Variants in STK32B observed in about 807,000 individuals in gnomAD.
STK32B encodes serine/threonine-protein kinase 32B.
A neutral mutation model predicts 52.6 loss-of-function variants in STK32B; 43 were observed. The ratio of observed to expected loss-of-function variants is 0.82; its 90% CI spans 0.64 to 1.05. The LOEUF (loss-of-function observed/expected upper bound fraction) is 1.05, where lower values mean the gene tolerates loss of function less well. Among genes scored for constraint, STK32B ranks in the 50% least tolerant of loss-of-function variants. STK32B has a pLI of 0.00. For missense variants in STK32B, 621 were observed against 534.6 expected (o/e 1.16, Z -1.59); for synonymous variants, 238 against 204.3 (o/e 1.17, Z -1.41).
chr4:5,443,373 A>G (rs2109114227), intron 6 of STK32B, among the ~76,000 whole-genome samples: 2 of 151,836 alleles, frequency 1.3e-5, no homozygotes, highest in South Asian at 4.2e-4. Flanking sequence ...CATTGCTGAT[A>G]CCCTTTTTCC....
intron 3 of STK32B, among the ~76,000 whole-genome samples, chr4:5,281,819 T>A (rs1297563087): frequency 6.6e-6 from 1 of 152,190 alleles, no homozygotes; most frequent in Non-Finnish European, 1.5e-5. Flanking sequence ...GGTTTAGGTA[T>A]CATTGAACAG....
rs1197765393 is a variant in STK32B, at chr4:5,170,484, G to A, written c.260+2034G>A. Among the ~76,000 whole-genome samples the A allele has an allele frequency of 4.6e-5, 7 of 150,688 alleles. No homozygotes were observed. The South Asian group carries it at 8.6e-4, about 18-fold the overall frequency. ...GTCCCCCCACCCCACAACAGTCTCT[G>A]GAGTGTGATGTTCCCCTTCCTGTGT... On this transcript the variant is annotated intron_variant, in intron 3 of 11. Coordinates refer to ENST00000282908, the MANE Select transcript of STK32B (RefSeq NM_018401.3).
rs761928188 is a variant in STK32B at position 5,399,634 on chromosome 4, G to A, written c.472+1390G>A. Among the ~76,000 whole-genome samples, 1 of 152,110 alleles carries A rather than the reference G, an allele frequency of 6.6e-6. No homozygotes were observed. The highest frequency in any genetic ancestry group is 2.1e-4 in the South Asian group (1 of 4,824). On this transcript the variant is annotated intron_variant, in intron 5 of 11. Coordinates refer to ENST00000282908, the MANE Select transcript of STK32B (RefSeq NM_018401.3). The surrounding 1 kb of genome is among the most constrained non-coding windows in gnomAD (Gnocchi z 5.4). ...TCTCCAGTTTGTATCTAAAAGTCAG[G>A]ATCTTCAGATGTGGCACTCAGCTGA...
chr4:5,461,355 G>T (rs1717011060), intron 9 of STK32B, among the ~76,000 whole-genome samples: 1 of 152,204 alleles, frequency 6.6e-6, no homozygotes, highest in Non-Finnish European at 1.5e-5. Context: ...TTCCTGGGGA[G>T]CCTCAGACGT....
At chr4:5,257,467 T>G (rs73081697) in intron 3 of STK32B, among the ~76,000 whole-genome samples, 3 of 152,078 alleles carry the variant, frequency 2.0e-5, no homozygotes, top group African/African-American at 7.3e-5. Context: ...CAGAACATGG[T>G]AGCTCCTCCC....
At chr4:5,168,239 C>A in intron 2 of STK32B, 60 bp from the exon 3 acceptor site, 1 of 1,563,468 alleles carries the variant, frequency 6.4e-7, no homozygotes, top group Middle Eastern at 1.7e-4. Context: ...GGTGACATTT[C>A]TCCTTTGTCT....
At chr4:5,365,099 C>G (rs1039809669) in intron 4 of STK32B, among the ~76,000 whole-genome samples, 1 of 152,154 alleles carries the variant, frequency 6.6e-6, no homozygotes, top group Non-Finnish European at 1.5e-5. Flanking sequence ...TGGTCTCAAA[C>G]TCCTGACCTC....
At chr4:5,074,577 A>T (rs1369557763) in intron 1 of STK32B, among the ~76,000 whole-genome samples, 2 of 151,928 alleles carry the variant, frequency 1.3e-5, no homozygotes, top group Non-Finnish European at 2.9e-5. Context: ...TATATGCTAG[A>T]TATTGTAGAT....
chr4:5,103,655 G>A (rs1713947476), intron 1 of STK32B, among the ~76,000 whole-genome samples: 1 of 152,058 alleles, frequency 6.6e-6, no homozygotes, highest in African/African-American at 2.4e-5. Context: ...GAATTCCTGG[G>A]CCACGGAGTT....
intron 4 of STK32B, among the ~76,000 whole-genome samples, chr4:5,393,146 G>T (rs1182200816): frequency 6.6e-6 from 1 of 152,170 alleles, no homozygotes; most frequent in Non-Finnish European, 1.5e-5. Flanking sequence ...AACAGCCAAG[G>T]TGAAGCCCTC....
At chr4:5,075,748 G>GT (rs5855832) in intron 1 of STK32B, among the ~76,000 whole-genome samples, 27,198 of 151,984 alleles carry the variant, frequency 0.18, 2,632 homozygotes, top group Non-Finnish European at 0.21. Context: ...TCAAGAACAG[G>GT]TTTTTTTCTT....
intron 1 of STK32B, among the ~76,000 whole-genome samples, chr4:5,130,449 G>C (rs1023569857): frequency 6.6e-6 from 1 of 152,020 alleles, no homozygotes; most frequent in Admixed American, 6.6e-5. Flanking sequence ...AATCCAAACC[G>C]GGCTTGGGCT....
intron 1 of STK32B, among the ~76,000 whole-genome samples, chr4:5,079,075 T>C (rs2108773692): frequency 6.6e-6 from 1 of 152,332 alleles, no homozygotes; most frequent in African/African-American, 2.4e-5. Context: ...CTCCAAACTT[T>C]TTTTAGTAAG....
intron 3 of STK32B, among the ~76,000 whole-genome samples, chr4:5,307,635 G>T (rs1430647883): frequency 6.6e-6 from 1 of 150,378 alleles, no homozygotes; most frequent in African/African-American, 2.5e-5. Flanking sequence ...CCTTCTTCTG[G>T]CAATTCATTT....
chr4:5,121,659 T>G (rs915995259), intron 1 of STK32B, among the ~76,000 whole-genome samples: 1 of 152,216 alleles, frequency 6.6e-6, no homozygotes, highest in Non-Finnish European at 1.5e-5. Context: ...TGGGTGTTAA[T>G]GACTTCTGAA....
rs75148096 is a variant in STK32B at position 5,278,725 on chromosome 4, G to T, written c.261-52495G>T. Among the ~76,000 whole-genome samples the T allele has an allele frequency of 6.3e-3, 952 of 152,172 alleles. 18 individuals are homozygous for T. The highest frequency in any genetic ancestry group is 0.015 in the African/African-American group (641 of 41,508). On this transcript the variant is annotated intron_variant, in intron 3 of 11. Coordinates refer to ENST00000282908, the MANE Select transcript of STK32B (RefSeq NM_018401.3). ...ACATACCTGAGACTGGGTAATTTATGGATAAAAGAGATTTAATTGTCTCAG... is the reference window on the plus strand; with the variant it reads ...ACATACCTGAGACTGGGTAATTTATTGATAAAAGAGATTTAATTGTCTCAG...
chr4:5,133,421 T>C (rs899861457), intron 1 of STK32B, among the ~76,000 whole-genome samples: 3 of 152,078 alleles, frequency 2.0e-5, no homozygotes, highest in African/African-American at 7.2e-5. Context: ...CATTTCCCAC[T>C]CCCTCAGAGA....
At chr4:5,186,955 G>A (rs1441229852) in intron 3 of STK32B, among the ~76,000 whole-genome samples, 2 of 152,200 alleles carry the variant, frequency 1.3e-5, no homozygotes, top group African/African-American at 4.8e-5. Context: ...GGATGCACCT[G>A]CCCGCACTCC....
chr4:5,117,980 A>G (rs1239210098), intron 1 of STK32B, among the ~76,000 whole-genome samples: 1 of 152,160 alleles, frequency 6.6e-6, no homozygotes, highest in Non-Finnish European at 1.5e-5. Flanking sequence ...GGATTTTTGC[A>G]TCTATGTTCC....
Sources: gnomAD v4.1 joint callset for allele counts (sites outside exome capture counted in the v4.1 genomes callset) on GRCh38, gnomAD v4.1.1 for gene constraint, Gnocchi (gnomAD v3.1) non-coding constraint, MANE v1.5 for transcripts, NCBI Gene and HGNC (gene_info 2026-07-23, HGNC 2026-07-21) for gene names.